Variants in HS6ST2 observed in about 807,000 individuals in gnomAD.
HS6ST2 encodes heparan-sulfate 6-O-sulfotransferase 2.
Under a neutral mutation model 33.0 loss-of-function variants are expected in HS6ST2, and 17 were observed. The ratio of observed to expected loss-of-function variants is 0.52; its 90% confidence interval spans 0.35 to 0.77. The LOEUF is 0.77. HS6ST2 is among the 30% of genes least tolerant of loss of function. The probability of loss-of-function intolerance (pLI) is 0.01; values close to 1 mark genes in which losing one functional copy is unlikely to be tolerated. For synonymous variants in HS6ST2, 248 were observed against 237.1 expected, an observed-to-expected ratio of 1.05 and a Z score of -0.42; for missense variants, 519 against 551.7, an observed-to-expected ratio of 0.94 and a Z score of 0.59.
chrX:132,866,818 T>C (rs1477382287), intron 2 of HS6ST2, among the ~76,000 whole-genome samples: 8 of 101,540 alleles, frequency 7.9e-5, no homozygotes, highest in Non-Finnish European at 1.2e-4. Context: ...GTGATTTTTG[T>C]ACATTGATTT....
chrX:132,941,941 A>G (rs1414498777), intron 2 of HS6ST2, among the ~76,000 whole-genome samples: 4 of 112,118 alleles, frequency 3.6e-5, no homozygotes, highest in African/African-American at 9.7e-5. Context: ...TCAGCTTCAT[A>G]TTCTCATATT....
At chrX:132,736,970 A>C (rs1453881380) in intron 2 of HS6ST2, among the ~76,000 whole-genome samples, 2 of 112,228 alleles carry the variant, frequency 1.8e-5, no homozygotes, top group African/African-American at 6.5e-5. Flanking sequence ...TAGGAACAAG[A>C]CACTTGGGTC....
intron 2 of HS6ST2, among the ~76,000 whole-genome samples, chrX:132,870,910 C>G (rs1051615779): frequency 8.1e-5 from 9 of 110,946 alleles, no homozygotes; most frequent in Admixed American, 5.8e-4. Context: ...CCAAAATGGA[C>G]AAACGGAATC....
At chrX:132,666,783 C>T (rs1436614290) in intron 4 of HS6ST2, among the ~76,000 whole-genome samples, 1 of 111,842 alleles carries the variant, frequency 8.9e-6, no homozygotes, top group Non-Finnish European at 1.9e-5. Flanking sequence ...CTGTGTCTGG[C>T]CTCAAAATAA....
chrX:132,773,963 T>C (rs1336020927), intron 2 of HS6ST2, among the ~76,000 whole-genome samples: 1 of 112,055 alleles, frequency 8.9e-6, no homozygotes, highest in African/African-American at 3.2e-5. Flanking sequence ...AAAGGGTGAA[T>C]TGTGTATCTT....
intron 4 of HS6ST2, among the ~76,000 whole-genome samples, chrX:132,644,407 T>C (rs1040740627): frequency 1.8e-5 from 2 of 111,233 alleles, no homozygotes; most frequent in Non-Finnish European, 3.8e-5. Context: ...CTAAGGAAAC[T>C]GAACCTCAAA....
intron 4 of HS6ST2, among the ~76,000 whole-genome samples, chrX:132,630,259 A>G (rs1396702027): frequency 8.9e-6 from 1 of 112,592 alleles, no homozygotes; most frequent in Non-Finnish European, 1.9e-5. Flanking sequence ...TCTTAAAGGA[A>G]ACCCGGAGAA....
intron 3 of HS6ST2, among the ~76,000 whole-genome samples, chrX:132,697,641 T>C (rs1272227817): frequency 8.9e-6 from 1 of 111,860 alleles, no homozygotes; most frequent in Admixed American, 9.5e-5. Context: ...TAGCAAACCA[T>C]AGAATAGTTC....
At chrX:132,878,149 C>T (rs767817689) in intron 2 of HS6ST2, among the ~76,000 whole-genome samples, 2 of 111,989 alleles carry the variant, frequency 1.8e-5, no homozygotes, top group Non-Finnish European at 3.8e-5. Context: ...GGCATGCAGA[C>T]ACATTAAAGG....
chrX:132,958,006 G>T (rs2067105862), intron 1 of HS6ST2, among the ~76,000 whole-genome samples, 169 bp downstream of exon 1: 1 of 111,713 alleles, frequency 9.0e-6, no homozygotes, highest in Admixed American at 9.3e-5. Context: ...CGACGGAGCC[G>T]CGGCGTGGGC....
At chrX:132,654,334 G>A (rs2063715857) in intron 4 of HS6ST2, among the ~76,000 whole-genome samples, 1 of 110,952 alleles carries the variant, frequency 9.0e-6, no homozygotes, top group African/African-American at 3.3e-5. Flanking sequence ...CAATCAACTG[G>A]TTTTTAAAAA....
chrX:132,957,001 G>A lies in HS6ST2; in HGVS notation c.754C>T (p.Leu252=), dbSNP rs764246475. The A allele has an allele frequency of 2.5e-6, 3 of 1,211,811 alleles. No individual in the cohort carries two copies. Among genetic ancestry groups the A allele is most frequent in the Admixed American group, 4.3e-5 (2 of 46,132 alleles). ...ACGCGGCACTCGCACGGCTGCTCCAGCTGGATGTTACGCACCAAGTGGCGG... is the reference window on the plus strand; with the variant it reads ...ACGCGGCACTCGCACGGCTGCTCCAACTGGATGTTACGCACCAAGTGGCGG... The part of the protein sequence containing the change: ...FGRHLVRNIQ[L]EQPCECRVGQ... Residue 252 remains leucine, a synonymous_variant, in exon 2 of 5, where the codon CTG becomes TTG. Transcript: ENST00000370833.
rs759328856 is a variant in HS6ST2 at position 132,957,190 on chromosome X, G to C, written c.565C>G (p.Pro189Ala). Reference sequence around the variant, plus strand: ...TCCGAGCGGTACGGGTCCGGCACCGGGGAGCTGAACGCCTGCAGGCGGAGG... The same window carrying C: ...TCCGAGCGGTACGGGTCCGGCACCGCGGAGCTGAACGCCTGCAGGCGGAGG... ...QLLRLQAFSSPVPDPYRSEDE... is the reference protein window; with the variant it reads ...QLLRLQAFSSAVPDPYRSEDE... Residue 189 changes from proline to alanine, a missense_variant, in exon 2 of 5, where the codon CCG becomes GCG. Physicochemically the swap from Pro to Ala is conservative, Grantham distance 27 (BLOSUM62 -1). Coordinates refer to ENST00000370833, the MANE Select transcript of HS6ST2 (RefSeq NM_001394073.1). 5 of 1,209,968 alleles carry C rather than the reference G, an allele frequency of 4.1e-6. No individual in the cohort carries two copies. The Admixed American group carries it at 6.5e-5, about 16-fold the overall frequency.
intron 2 of HS6ST2, among the ~76,000 whole-genome samples, chrX:132,738,120 C>T (rs963183580): frequency 2.0e-4 from 23 of 112,664 alleles, no homozygotes; most frequent in Non-Finnish European, 3.6e-4. Context: ...TCAGCCTATC[C>T]TGTCTTTTCT....
rs933268843 is a variant in HS6ST2 at position 132,684,214 on chromosome X, CATATATATACAT to C, written c.981-15027_981-15016del. On this transcript the variant is annotated intron_variant, in intron 3 of 4. Transcript: ENST00000370833. ...AGGAGCAGTCTCCACAGGACAGTGT[CATATATATACAT>C]ATATATATATATATATACACACACA... Among the ~76,000 whole-genome samples, 4 of 99,539 alleles carry C rather than the reference CATATATATACAT, an allele frequency of 4.0e-5. No individual in the cohort carries two copies. In the East Asian group the frequency reaches 1.2e-3, roughly 30 times the overall value. 86.4% of individuals were successfully genotyped at this position (99,539 alleles called of 115,157 possible). A position where few individuals can be genotyped will look rare whatever the true frequency, so the allele number is the denominator to read the frequency against.
At chrX:132,802,279 C>T (rs1361047705) in intron 2 of HS6ST2, among the ~76,000 whole-genome samples, 1 of 111,688 alleles carries the variant, frequency 9.0e-6, no homozygotes, top group Non-Finnish European at 1.9e-5. Context: ...CTTATGTAAT[C>T]TGCTTATTGT....
At chrX:132,792,755 A>C (rs1213951225) in intron 2 of HS6ST2, among the ~76,000 whole-genome samples, 2 of 111,821 alleles carry the variant, frequency 1.8e-5, no homozygotes, top group Admixed American at 1.9e-4. Context: ...TCATACAATA[A>C]ATGGCCTTTG....
In HS6ST2 at chrX:132,627,608, A is replaced by G. The variant is rs1245557153; in HGVS notation, c.*615T>C. The G allele has an allele frequency of 8.9e-6, 1 of 112,673 alleles. No homozygotes were observed. The highest frequency in any genetic ancestry group is 1.9e-5 in the Non-Finnish European group (1 of 53,259). The allele number at this position is 112,673 out of a possible 1,213,427, so 9.3% of individuals were successfully genotyped here. A position where few individuals can be genotyped will look rare whatever the true frequency, so the allele number is the denominator to read the frequency against. Reference sequence around the variant, plus strand: ...TTAAACATCTCTTAAATATCAAGATATGAGTCCTGTTCTTGAAAAGCCAAT... The same window carrying G: ...TTAAACATCTCTTAAATATCAAGATGTGAGTCCTGTTCTTGAAAAGCCAAT... On this transcript the variant is annotated 3_prime_UTR_variant, in exon 5 of 5. Coordinates refer to ENST00000370833, the MANE Select transcript of HS6ST2 (RefSeq NM_001394073.1).
At chrX:132,894,982 G>A (rs2066360373) in intron 2 of HS6ST2, among the ~76,000 whole-genome samples, 1 of 112,448 alleles carries the variant, frequency 8.9e-6, no homozygotes, top group African/African-American at 3.2e-5. Context: ...AAAACTAAGT[G>A]AATGTGTATT....
Sources: gnomAD v4.1 joint callset for allele counts (sites outside exome capture counted in the v4.1 genomes callset) on GRCh38, gnomAD v4.1.1 for gene constraint, MANE v1.5 for transcripts, NCBI Gene and HGNC (gene_info 2026-07-23, HGNC 2026-07-21) for gene names.